Variants in RARB observed in about 807,000 individuals in gnomAD.
RARB encodes retinoic acid receptor beta.
RARB carries 17 observed loss-of-function variants against 51.9 expected under a neutral mutation model. The ratio of observed to expected loss-of-function variants is 0.33; its 90% CI spans 0.22 to 0.49. The LOEUF is 0.49. Among genes scored for constraint, RARB ranks in the 20% least tolerant of loss-of-function variants. The pLI is 0.99. For synonymous variants in RARB, 215 were observed against 195.4 expected, an observed-to-expected ratio of 1.10 and a Z score of -0.84; for missense variants, 369 against 550.8, an observed-to-expected ratio of 0.67 and a Z score of 3.30.
chr3:24,945,674 C>T (rs769246915), intron 2 of RARB, among the ~76,000 whole-genome samples: 5 of 152,216 alleles, frequency 3.3e-5, no homozygotes, highest in Non-Finnish European at 7.3e-5. Context: ...AGGGAATTCC[C>T]TTGGCACATT....
intron 2 of RARB, among the ~76,000 whole-genome samples, chr3:24,937,493 C>T (rs1385527515): frequency 6.6e-6 from 1 of 152,112 alleles, no homozygotes; most frequent in Non-Finnish European, 1.5e-5. Context: ...ACATATGTGC[C>T]AGATGACATA....
intron 2 of RARB, among the ~76,000 whole-genome samples, chr3:25,043,051 G>A (rs904221105): frequency 7.9e-5 from 12 of 152,324 alleles, no homozygotes; most frequent in African/African-American, 2.4e-4. Flanking sequence ...ATGTAATGGC[G>A]TGAGGCAGGG....
intron 3 of RARB, among the ~76,000 whole-genome samples, chr3:25,126,887 A>C (rs1232886212): frequency 6.6e-6 from 1 of 152,124 alleles, no homozygotes; most frequent in Non-Finnish European, 1.5e-5. Context: ...GGCAAGGTAA[A>C]ACCTTTAGTC....
intron 5 of RARB, among the ~76,000 whole-genome samples, chr3:25,273,981 A>C (rs1368718920): frequency 1.3e-5 from 2 of 152,126 alleles, no homozygotes; most frequent in African/African-American, 4.8e-5. Flanking sequence ...CTATTGCTGC[A>C]TGCGGCAGCC....
At chr3:25,284,658 A>T (rs192066625) in intron 5 of RARB, among the ~76,000 whole-genome samples, 1 of 152,122 alleles carries the variant, frequency 6.6e-6, no homozygotes, top group African/African-American at 2.4e-5. Context: ...AGATAAAACC[A>T]TTTGGATGTG....
At chr3:25,263,188 C>T (rs1005865067) in intron 5 of RARB, among the ~76,000 whole-genome samples, 5 of 151,940 alleles carry the variant, frequency 3.3e-5, no homozygotes, top group Non-Finnish European at 4.4e-5. Context: ...TTGCTCTAGC[C>T]GATAATAAAA....
intron 5 of RARB, among the ~76,000 whole-genome samples, chr3:25,404,624 G>T (rs539845059): frequency 6.6e-6 from 1 of 152,146 alleles, no homozygotes; most frequent in African/African-American, 2.4e-5. Context: ...TGTTTGCAAG[G>T]TTCTTGGCTT....
chr3:25,368,066 A>T (rs968789060), intron 5 of RARB, among the ~76,000 whole-genome samples: 2 of 152,198 alleles, frequency 1.3e-5, no homozygotes, highest in Non-Finnish European at 2.9e-5. Flanking sequence ...ACTTTCCTTT[A>T]TTCTAAGAAT....
intron 5 of RARB, among the ~76,000 whole-genome samples, chr3:25,253,585 A>G (rs541124369): frequency 6.6e-6 from 1 of 152,308 alleles, no homozygotes; most frequent in Admixed American, 6.5e-5. Context: ...CAAAGGTAAT[A>G]GAAAGGAAGA....
At chr3:25,390,769 C>A (rs755624491) in intron 5 of RARB, among the ~76,000 whole-genome samples, 3 of 152,144 alleles carry the variant, frequency 2.0e-5, no homozygotes, top group Non-Finnish European at 4.4e-5. Flanking sequence ...AAACTTTCAA[C>A]CTGCTTGCTT....
intron 2 of RARB, among the ~76,000 whole-genome samples, chr3:24,960,090 C>G (rs574386318): frequency 6.6e-6 from 1 of 152,070 alleles, no homozygotes; most frequent in Non-Finnish European, 1.5e-5. Flanking sequence ...ATGTGGAGAC[C>G]TCCTCCTCTT....
chr3:25,258,284 A>C (rs1486805449), intron 5 of RARB, among the ~76,000 whole-genome samples: 2 of 152,172 alleles, frequency 1.3e-5, no homozygotes, highest in Non-Finnish European at 2.9e-5. Flanking sequence ...TGGTAAACTT[A>C]TTACACAAGT....
At chr3:25,133,096 A>G (rs1217556805) in intron 4 of RARB, among the ~76,000 whole-genome samples, 1 of 151,948 alleles carries the variant, frequency 6.6e-6, no homozygotes, top group Non-Finnish European at 1.5e-5. Flanking sequence ...TTAATGTTGA[A>G]CGAGTTCTTT....
chr3:25,013,819 T>C (rs1697448753), intron 2 of RARB, among the ~76,000 whole-genome samples: 1 of 152,092 alleles, frequency 6.6e-6, no homozygotes, highest in African/African-American at 2.4e-5. Context: ...TACTAACAGA[T>C]CCTGTCTGTG....
intron 2 of RARB, among the ~76,000 whole-genome samples, chr3:25,009,247 G>A (rs531323283): frequency 1.3e-5 from 2 of 152,128 alleles, no homozygotes; most frequent in South Asian, 2.1e-4. Flanking sequence ...AGTGTGAAGG[G>A]TAGAATGGCT....
At chr3:24,884,854 C>A (rs1703238888) in intron 2 of RARB, among the ~76,000 whole-genome samples, 2 of 151,946 alleles carry the variant, frequency 1.3e-5, no homozygotes, top group Admixed American at 6.6e-5. Context: ...AAAATATAAC[C>A]TGAATACAAG....
chr3:24,880,701 T>C (rs74448439), intron 2 of RARB, among the ~76,000 whole-genome samples: 10,276 of 152,124 alleles, frequency 0.068, 554 homozygotes, highest in East Asian at 0.16. Context: ...TCTCAACAAT[T>C]TGAATGCACA....
At chr3:24,871,103 C>T (rs1041459994) in intron 2 of RARB, among the ~76,000 whole-genome samples, 9 of 152,014 alleles carry the variant, frequency 5.9e-5, no homozygotes, top group Admixed American at 4.6e-4. Context: ...ATTATTAGTA[C>T]ACTTTTTAAT....
At chr3:24,900,569 A>T (rs563053650) in intron 2 of RARB, among the ~76,000 whole-genome samples, 5 of 152,344 alleles carry the variant, frequency 3.3e-5, no homozygotes, top group African/African-American at 1.2e-4. Context: ...AGAAACTGTT[A>T]ATGCATCATG....
Sources: allele counts gnomAD v4.1 joint callset (sites outside exome capture counted in the v4.1 genomes callset), GRCh38; gene constraint gnomAD v4.1.1; transcripts MANE v1.5; gene names NCBI Gene and HGNC (gene_info 2026-07-23, HGNC 2026-07-21).